The following ACHE variants were observed in gnomAD, a reference collection of about 807,000 sequenced individuals.
ACHE encodes the protein acetylcholinesterase.
A neutral mutation model predicts 53.9 loss-of-function variants in ACHE; 19 were observed. The ratio of observed to expected loss-of-function variants is 0.35; its 90% CI spans 0.25 to 0.52. The LOEUF (loss-of-function observed/expected upper bound fraction) is 0.52, where lower values mean the gene tolerates loss of function less well. Ranked by LOEUF, ACHE falls within the 20% of genes least tolerant of loss-of-function variation. The probability of loss-of-function intolerance (pLI) is 0.95; values close to 1 mark genes in which losing one functional copy is unlikely to be tolerated. For missense variants in ACHE, 605 were observed against 849.4 expected, an observed-to-expected ratio of 0.71 and a Z score of 3.58; for synonymous variants, 392 against 378.1, an observed-to-expected ratio of 1.04 and a Z score of -0.43.
At position 100,892,128 on chromosome 7, in the gene ACHE, C is replaced by T. The variant is rs530575782; in HGVS notation, c.1553+206G>A. 2.8e-4 allele frequency among the ~76,000 whole-genome samples: 43 copies of T among 151,990 alleles called. No individual in the cohort carries two copies. The highest frequency in any genetic ancestry group is 6.3e-4 in the South Asian group (3 of 4,798). On this transcript the variant is annotated intron_variant, in intron 3 of 4. Transcript: ENST00000241069. This position sits in a 1 kb window ranked among gnomAD's most constrained non-coding sequence, Gnocchi z 5.2. ...TCGTCTCCTCCTCACTTTCCTTTGC[C>T]TCTGTCTCTGCAAGACCCCCTCTGC...
chr7:100,892,749 C>T lies in ACHE; in HGVS notation c.1138G>A (p.Asp380Asn), dbSNP rs1790776748. The T allele has an allele frequency of 1.9e-6, 3 of 1,612,196 alleles. No homozygotes were observed. Among genetic ancestry groups the T allele is most frequent in the Non-Finnish European group, 2.5e-6 (3 of 1,179,776 alleles). The change falls in exon 3 of 5, where the codon GAC becomes AAC. Residue 380 changes from aspartate to asparagine, a missense_variant. By Grantham distance (23) the Asp-to-Asn change is conservative. Coordinates refer to ENST00000241069, the MANE Select transcript of ACHE (RefSeq NM_000665.5). This position sits in a 1 kb window ranked among gnomAD's most constrained non-coding sequence, Gnocchi z 5.2. ...LVYGAPGFSK[D>N]NESLISRAEF... ...GCCCGGCTGATGAGAGACTCGTTGT[C>T]TTTGCTGAAGCCTGGGGCCCCGTAA...
Position 100,892,339 on chromosome 7 carries a change from G to A in ACHE, c.1548C>T (p.Arg516=), listed in dbSNP as rs778143437. Reference sequence around the variant, plus strand: ...TCTCCCTCTGCACTGCTGACCCTGTGCGGGCAAAGTTGGCCCAGTATCGCA... The same window carrying A: ...TCTCCCTCTGCACTGCTGACCCTGTACGGGCAAAGTTGGCCCAGTATCGCA... The part of the protein sequence containing the change: ...RLMRYWANFA[R]TGDPNEPRDP... The change falls in exon 3 of 5, where the codon CGC becomes CGT. Residue 516 remains arginine (R), a synonymous_variant. Transcript: ENST00000241069. The surrounding 1 kb of genome is among the most constrained non-coding windows in gnomAD (Gnocchi z 5.2). 34 of 1,511,530 alleles carry A rather than the reference G, an allele frequency of 2.2e-5. No individual in the cohort carries two copies. In the East Asian group the frequency reaches 7.3e-4, roughly 32 times the overall value. The allele number at this position is 1,511,530 out of a possible 1,614,324, so 93.6% of individuals were successfully genotyped here.
Position 100,892,515 on chromosome 7 carries a change from C to T in ACHE, c.1372G>A (p.Ala458Thr), listed in dbSNP as rs148991713. 4.2e-5 allele frequency: 67 copies of T among 1,604,900 alleles called. No homozygotes were observed. Among genetic ancestry groups the T allele is most frequent in the Middle Eastern group, 3.3e-4 (2 of 6,036 alleles). Residue 458 changes from alanine to threonine, a missense_variant, in exon 3 of 5, where the codon GCC (alanine) becomes ACC (threonine). By Grantham distance (58) the Ala-to-Thr change is moderately conservative. This residue lies in a region of ACHE where 397 missense variants were observed against 632.5 expected (regional missense o/e 0.63). Transcript: ENST00000241069. This position sits in a 1 kb window ranked among gnomAD's most constrained non-coding sequence, Gnocchi z 5.2. ...GAAGCACGGTGTTCAAAGACGTAGG[C>T]GTAGACCCGGGCACCCTGGGCAGCC... ...RLAAQGARVY[A>T]YVFEHRASTL...
At chr7:100,896,956 T>A (rs1791064884), upstream of ACHE, 1 of 149,836 alleles carries the variant, frequency 6.7e-6, no homozygotes, top group Admixed American at 6.6e-5. Flanking sequence ...AGACCCCGCG[T>A]GGGAGAGCGG....
At chr7:100,891,099 A>G in intron 4 of ACHE, 70 bp downstream of exon 4, 1 of 1,547,988 alleles carries the variant, frequency 6.5e-7, no homozygotes, top group Non-Finnish European at 8.7e-7. Flanking sequence ...CTAGGGGGAG[A>G]AGAGAGGGGT....
intron 4 of ACHE, chr7:100,890,945 G>A: frequency 6.8e-7 from 1 of 1,471,504 alleles, no homozygotes; most frequent in Non-Finnish European, 9.0e-7. Flanking sequence ...GGCCGTAGGG[G>A]AAGAGGCCGT....
Position 100,893,633 on chromosome 7 carries a change from G to C in ACHE, c.600C>G (p.Gly200=). 6.2e-7 allele frequency: 1 copy of C among 1,613,146 alleles called. No individual in the cohort carries two copies. Among genetic ancestry groups the C allele is most frequent in the Non-Finnish European group, 8.5e-7 (1 of 1,180,038 alleles). ...GCCTCTGATCCAGGAGACCCACATT[G>C]CCCGGGGCCTCTCGGCTCCCCGGCA... ...LALPGSREAP[G]NVGLLDQRLA... is the part of the protein sequence containing the mutation. The change falls in exon 2 of 5, where the codon GGC becomes GGG. Residue 200 remains glycine (G), a synonymous_variant. Transcript: ENST00000241069.
chr7:100,890,373 C>A (rs971263509), intron 4 of ACHE, 38 bp from the exon 5 acceptor site: 4 of 1,590,100 alleles, frequency 2.5e-6, no homozygotes, highest in Non-Finnish European at 2.6e-6. Flanking sequence ...GAGGGGAGGA[C>A]GGCACGAGGA....
chr7:100,893,796 A>G lies in ACHE; in HGVS notation c.437T>C (p.Leu146Pro). ...YPRPTSPTPV[L>P]VWIYGGGFYS... Reference sequence around the variant, plus strand: ...GAAGCCACCCCCATAGATCCAGACGAGGACAGGGGTGGGGGATGTAGGCCG... The same window carrying G: ...GAAGCCACCCCCATAGATCCAGACGGGGACAGGGGTGGGGGATGTAGGCCG... Residue 146 changes from leucine to proline, a missense_variant, in exon 2 of 5, where the codon CTC (leucine) becomes CCC (proline). This residue lies in a region of ACHE where 397 missense variants were observed against 632.5 expected (regional missense o/e 0.63). Transcript: ENST00000241069. 6.2e-7 allele frequency: 1 copy of G among 1,613,826 alleles called. No individual in the cohort carries two copies. The highest frequency in any genetic ancestry group is 8.5e-7 in the Non-Finnish European group (1 of 1,179,976).
In ACHE at chr7:100,892,571, A is replaced by G; in HGVS notation, c.1316T>C (p.Val439Ala). 1 of 1,613,250 alleles carries G rather than the reference A, an allele frequency of 6.2e-7. No individual in the cohort carries two copies. The highest frequency in any genetic ancestry group is 8.5e-7 in the Non-Finnish European group (1 of 1,179,804). The change falls in exon 3 of 5, where the codon GTG becomes GCG. Residue 439 changes from valine (V) to alanine (A), a missense_variant. Coordinates refer to ENST00000241069, the MANE Select transcript of ACHE (RefSeq NM_000665.5). The surrounding 1 kb of genome is among the most constrained non-coding windows in gnomAD (Gnocchi z 5.2). The part of the protein sequence containing the change: ...LSDVVGDHNV[V>A]CPVAQLAGRL... ...CCCAGCCAGCTGGGCCACGGGGCAC[A>G]CGACATTGTGGTCGCCCACCACATC...
chr7:100,890,022 A>C lies in ACHE; in HGVS notation c.*192T>G. ...CTGTAACAGTTTATTGGCAGCCCAG[A>C]GGGGCGAAGGCACCGCGGGGGAGGG... On this transcript the variant is annotated 3_prime_UTR_variant, in exon 5 of 5. Coordinates refer to ENST00000241069, the MANE Select transcript of ACHE (RefSeq NM_000665.5). 1 of 612,128 alleles carries C rather than the reference A, an allele frequency of 1.6e-6. No homozygotes were observed. Among genetic ancestry groups the C allele is most frequent in the Non-Finnish European group, 2.7e-6 (1 of 363,644 alleles). The allele number at this position is 612,128 out of a possible 1,614,324, so 37.9% of individuals were successfully genotyped here. A position where few individuals can be genotyped will look rare whatever the true frequency, so the allele number is the denominator to read the frequency against.
chr7:100,891,395 A>C, intron 3 of ACHE, 57 bp from the exon 4 acceptor site: 8 of 1,462,242 alleles, frequency 5.5e-6, no homozygotes, highest in African/African-American at 1.4e-5. Flanking sequence ...GTGGCCCCCA[A>C]CTCCACGGGA....
At chr7:100,890,592 C>A in intron 4 of ACHE, 3 of 1,373,714 alleles carry the variant, frequency 2.2e-6, no homozygotes, top group South Asian at 1.7e-5. Flanking sequence ...AAGACGGGAA[C>A]AGAGGGGACA....
In ACHE at chr7:100,893,338, CTG is replaced by C; in HGVS notation, c.893_894del (p.Thr298ArgfsTer43). Reference sequence around the variant, plus strand: ...CGTGTCCGAAGGCAGGCTACCAGCTCTGTGTCATTCCCACCAGTGCCGCCTGG... The same window carrying C: ...CGTGTCCGAAGGCAGGCTACCAGCTCTGTCATTCCCACCAGTGCCGCCTGG... The part of the protein sequence containing the change: ...CPPGGTGGND[T>X]ELVACLRTRP... On this transcript the variant is annotated frameshift_variant, in exon 2 of 5. Transcript: ENST00000241069. LOFTEE classifies it high-confidence loss of function. The C allele has an allele frequency of 6.2e-7, 1 of 1,613,818 alleles. No individual in the cohort carries two copies. Among genetic ancestry groups the C allele is most frequent in the Non-Finnish European group, 8.5e-7 (1 of 1,180,018 alleles).
At chr7:100,896,629 T>C, upstream of ACHE, 1 of 272,960 alleles carries the variant, frequency 3.7e-6, no homozygotes, top group South Asian at 2.6e-5. Context: ...AGTGGAAACT[T>C]CTGGAACCCC....
upstream of ACHE, chr7:100,896,074 C>G (rs1584779777): frequency 6.6e-6 from 1 of 152,048 alleles, no homozygotes; most frequent in South Asian, 2.1e-4. Flanking sequence ...TGCCAGACGC[C>G]GACCGACGAC....
At position 100,893,144 on chromosome 7, in the gene ACHE, C is replaced by T. The variant is rs17234989; in HGVS notation, c.1068+21G>A. 8.6e-4 allele frequency: 1,384 copies of T among 1,610,138 alleles called. 12 individuals are homozygous for T. The African/African-American group carries it at 0.016, about 18-fold the overall frequency. On this transcript the variant is annotated intron_variant, in intron 2 of 4. Transcript: ENST00000241069. Reference sequence around the variant, plus strand: ...TTGGGACCCAGAGGAGCCAGCTTCACGCCAGCTAGCCACTAGTTACCTGCA... The same window carrying T: ...TTGGGACCCAGAGGAGCCAGCTTCATGCCAGCTAGCCACTAGTTACCTGCA...
Position 100,892,196 on chromosome 7 carries a change from T to A in ACHE, c.1553+138A>T. 9.0e-7 allele frequency: 1 copy of A among 1,114,948 alleles called. No homozygotes were observed. Among genetic ancestry groups the A allele is most frequent in the Middle Eastern group, 3.2e-4 (1 of 3,128 alleles). 69.1% of individuals were successfully genotyped at this position (1,114,948 alleles called of 1,614,324 possible). On this transcript the variant is annotated intron_variant, in intron 3 of 4. Transcript: ENST00000241069. The surrounding 1 kb of genome is among the most constrained non-coding windows in gnomAD (Gnocchi z 5.2). Reference sequence around the variant, plus strand: ...TTTTTCTCTCCCCTTTTATCTACTTTGTGAGCATATCCCTCTCTGGCTGTT... The same window carrying A: ...TTTTTCTCTCCCCTTTTATCTACTTAGTGAGCATATCCCTCTCTGGCTGTT...
Position 100,893,903 on chromosome 7 carries a change from A to G in ACHE, c.330T>C (p.Gly110=). 1 of 1,598,144 alleles carries G rather than the reference A, an allele frequency of 6.3e-7. No individual in the cohort carries two copies. ...CYQYVDTLYP[G]FEGTEMWNPN... ...GGTTCCACATCTCGGTGCCCTCAAA[A>G]CCTGGGTATAGGGTGTCCACATATT... The change falls in exon 2 of 5, where the codon GGT becomes GGC. Residue 110 remains glycine, a synonymous_variant. Coordinates refer to ENST00000241069, the MANE Select transcript of ACHE (RefSeq NM_000665.5).
Sources: gnomAD v4.1 joint callset for allele counts (sites outside exome capture counted in the v4.1 genomes callset) on GRCh38, gnomAD v4.1.1 for gene constraint, gnomAD v4.1.1 regional missense constraint, Gnocchi (gnomAD v3.1) non-coding constraint, MANE v1.5 for transcripts, NCBI Gene and HGNC (gene_info 2026-07-23, HGNC 2026-07-21) for gene names.